LRRTM4: variants seen among roughly 807,000 people sequenced by gnomAD.
LRRTM4 encodes leucine-rich repeat transmembrane neuronal protein 4.
In LRRTM4, 25 loss-of-function variants were observed where a neutral mutation model predicts 47.6. The ratio of observed to expected loss-of-function variants is 0.53; its 90% CI spans 0.38 to 0.73. The LOEUF (loss-of-function observed/expected upper bound fraction) is 0.73. Ranked by LOEUF, LRRTM4 falls within the 30% of genes least tolerant of loss-of-function variation. The pLI is 0.00. For missense variants in LRRTM4, 638 were observed against 713.4 expected, an observed-to-expected ratio of 0.89 and a Z score of 1.20; for synonymous variants, 311 against 269.5, an observed-to-expected ratio of 1.15 and a Z score of -1.51.
At position 77,007,064 on chromosome 2, in the gene LRRTM4, TA is replaced by T. The variant is rs529917836; in HGVS notation, c.1552-258149del. On this transcript the variant is annotated intron_variant, in intron 3 of 3. Coordinates refer to ENST00000409884, the MANE Select transcript of LRRTM4 (RefSeq NM_001134745.3). ...TCTTTATTGTATGAACAGTTTGAGT[TA>T]AAAAAAAAGATTAAATTTTAACTTG... 6.4e-3 allele frequency among the ~76,000 whole-genome samples: 959 copies of T among 150,464 alleles called. 12 individuals carry two copies. The highest frequency in any genetic ancestry group is 0.021 in the African/African-American group (875 of 41,008).
intron 3 of LRRTM4, among the ~76,000 whole-genome samples, chr2:77,370,564 T>G (rs2103767823): frequency 6.6e-6 from 1 of 151,004 alleles, no homozygotes; most frequent in East Asian, 2.0e-4. Context: ...AAAAATGAGG[T>G]TTGATTTGTT....
At chr2:77,375,925 T>A (rs1476412012) in intron 3 of LRRTM4, among the ~76,000 whole-genome samples, 5 of 151,784 alleles carry the variant, frequency 3.3e-5, no homozygotes, top group Non-Finnish European at 7.4e-5. Flanking sequence ...AATTCCCCAT[T>A]TCCCCTTTCC....
At chr2:76,798,153 T>C (rs1458269317) in intron 3 of LRRTM4, among the ~76,000 whole-genome samples, 1 of 152,108 alleles carries the variant, frequency 6.6e-6, no homozygotes, top group Non-Finnish European at 1.5e-5. Context: ...ATACATTTTT[T>C]TCAGCACCGC....
intron 3 of LRRTM4, among the ~76,000 whole-genome samples, chr2:77,107,541 G>A (rs981993273): frequency 8.5e-5 from 13 of 152,048 alleles, no homozygotes; most frequent in East Asian, 3.9e-4. Flanking sequence ...TAACTAGGCC[G>A]GGCATGGTGG....
chr2:77,483,546 G>A (rs1428547499), intron 3 of LRRTM4, among the ~76,000 whole-genome samples: 2 of 152,240 alleles, frequency 1.3e-5, no homozygotes, highest in Non-Finnish European at 2.9e-5. Context: ...TCACCATGTT[G>A]GCCAAGCTGC....
At chr2:77,359,001 A>T (rs1027877392) in intron 3 of LRRTM4, among the ~76,000 whole-genome samples, 11 of 152,152 alleles carry the variant, frequency 7.2e-5, no homozygotes, top group Non-Finnish European at 1.3e-4. Flanking sequence ...TTACATTTTA[A>T]TTATATTAAT....
At position 77,516,049 on chromosome 2, in the gene LRRTM4, A is replaced by C. The variant is rs76654814; in HGVS notation, c.1551+2269T>G. Among the ~76,000 whole-genome samples the C allele has an allele frequency of 8.2e-3, 1,246 of 151,870 alleles. 15 individuals carry two copies. Among genetic ancestry groups the C allele is most frequent in the African/African-American group, 0.027 (1,107 of 41,512 alleles). ...TTATAGCACCCCCCTCCTCATCCTA[A>C]ATGGACATATGATCTTAAATGTATA... On this transcript the variant is annotated intron_variant, in intron 3 of 3. Transcript: ENST00000409884.
chr2:77,126,459 G>A (rs940241820), intron 3 of LRRTM4, among the ~76,000 whole-genome samples: 2 of 152,090 alleles, frequency 1.3e-5, no homozygotes, highest in Non-Finnish European at 2.9e-5. Context: ...TTTGCCTCTA[G>A]TGTGATATAT....
intron 3 of LRRTM4, among the ~76,000 whole-genome samples, chr2:77,055,351 CTCT>C (rs1679567622): frequency 6.6e-6 from 1 of 152,216 alleles, no homozygotes; most frequent in African/African-American, 2.4e-5. Context: ...ACACGTACAT[CTCT>C]TCTTGTTTAA....
chr2:77,443,458 G>A (rs889404870), intron 3 of LRRTM4, among the ~76,000 whole-genome samples: 1 of 152,078 alleles, frequency 6.6e-6, no homozygotes, highest in Non-Finnish European at 1.5e-5. Flanking sequence ...TACACGGATA[G>A]GCTGTACACA....
At chr2:77,178,922 A>G (rs1673273586) in intron 3 of LRRTM4, among the ~76,000 whole-genome samples, 2 of 152,296 alleles carry the variant, frequency 1.3e-5, no homozygotes, top group Admixed American at 1.3e-4. Context: ...AGTAGTGTGA[A>G]CTTTTTTATA....
At chr2:77,484,030 T>G in intron 3 of LRRTM4, among the ~76,000 whole-genome samples, 1 of 152,200 alleles carries the variant, frequency 6.6e-6, no homozygotes, top group Admixed American at 6.5e-5. Flanking sequence ...CCAAAGCATA[T>G]ATGTTGTTGT....
At chr2:76,837,198 T>C (rs564948293) in intron 3 of LRRTM4, among the ~76,000 whole-genome samples, 2 of 152,272 alleles carry the variant, frequency 1.3e-5, no homozygotes, top group South Asian at 2.1e-4. Context: ...TCTCTGATGG[T>C]AGTTTATATT....
intron 3 of LRRTM4, among the ~76,000 whole-genome samples, chr2:77,446,825 T>C (rs1221077744): frequency 1.8e-4 from 28 of 152,104 alleles, no homozygotes; most frequent in Admixed American, 1.8e-3. Flanking sequence ...CATTACCCTC[T>C]ACTAGTATAA....
intron 3 of LRRTM4, among the ~76,000 whole-genome samples, chr2:77,155,528 T>G (rs1672537402): frequency 6.6e-6 from 1 of 151,756 alleles, no homozygotes; most frequent in Non-Finnish European, 1.5e-5. Flanking sequence ...TTGCAAATTC[T>G]GTTATAAACA....
At chr2:77,447,848 C>G (rs1676112725) in intron 3 of LRRTM4, among the ~76,000 whole-genome samples, 3 of 152,158 alleles carry the variant, frequency 2.0e-5, no homozygotes, top group African/African-American at 7.2e-5. Flanking sequence ...TGTTGGCAAA[C>G]ATTCCTCGTG....
At chr2:77,370,482 T>C (rs554659732) in intron 3 of LRRTM4, among the ~76,000 whole-genome samples, 1 of 151,854 alleles carries the variant, frequency 6.6e-6, no homozygotes, top group Admixed American at 6.6e-5. Context: ...TTGTTTCATT[T>C]CTCAGTGGCT....
At chr2:77,485,824 G>A (rs1269379656) in intron 3 of LRRTM4, among the ~76,000 whole-genome samples, 1 of 152,076 alleles carries the variant, frequency 6.6e-6, no homozygotes, top group Non-Finnish European at 1.5e-5. Context: ...TAGACTTCTT[G>A]GGCTCAGGTG....
intron 3 of LRRTM4, among the ~76,000 whole-genome samples, chr2:77,291,339 A>T (rs2104129578): frequency 6.6e-6 from 1 of 152,262 alleles, no homozygotes; most frequent in Non-Finnish European, 1.5e-5. Context: ...AACTATTGAA[A>T]AGTGAGAAAT....
Sources: allele counts gnomAD v4.1 joint callset (sites outside exome capture counted in the v4.1 genomes callset), GRCh38; gene constraint gnomAD v4.1.1; transcripts MANE v1.5; gene names NCBI Gene and HGNC (gene_info 2026-07-23, HGNC 2026-07-21).